FSTL4: variants seen among roughly 807,000 people sequenced by gnomAD.
FSTL4 encodes follistatin like 4, also known as follistatin-related protein 4.
A neutral mutation model predicts 78.2 loss-of-function variants in FSTL4; 28 were observed. The ratio of observed to expected loss-of-function variants is 0.36; its 90% CI spans 0.27 to 0.49. FSTL4 has a LOEUF of 0.49. Ranked by LOEUF, FSTL4 falls within the 20% of genes least tolerant of loss-of-function variation. The pLI, the probability that FSTL4 is intolerant of heterozygous loss-of-function variation, is 0.98. For synonymous variants in FSTL4, 422 were observed against 440.5 expected (o/e 0.96, Z 0.53); for missense variants, 922 against 1,084.9 (o/e 0.85, Z 2.11).
chr5:133,415,981 G>T (rs980528683), intron 3 of FSTL4, among the ~76,000 whole-genome samples: 7 of 152,300 alleles, frequency 4.6e-5, no homozygotes, highest in Admixed American at 2.6e-4. Flanking sequence ...CTTTCAGAGA[G>T]AATCTGCAAG....
chr5:133,657,082 C>T, the FSTL4 span, among the ~76,000 whole-genome samples: 1 of 152,124 alleles, frequency 6.6e-6, no homozygotes, highest in Non-Finnish European at 1.5e-5. Flanking sequence ...CAGGTTTGGA[C>T]ATTTGGTAAG....
chr5:133,404,383 A>G (rs1036984675), intron 3 of FSTL4, among the ~76,000 whole-genome samples: 3 of 152,254 alleles, frequency 2.0e-5, no homozygotes, highest in African/African-American at 7.2e-5. Flanking sequence ...TATAGTATTT[A>G]TGAGGACAAC....
the FSTL4 span, among the ~76,000 whole-genome samples, chr5:133,797,836 T>C: frequency 0.99 from 150,553 of 152,248 alleles, 74,462 homozygotes; most frequent in Middle Eastern, 1. Context: ...CCCAAACATG[T>C]CCTGAGGTCA....
At chr5:133,582,192 T>A (rs964432947) in intron 2 of FSTL4, among the ~76,000 whole-genome samples, 1 of 152,046 alleles carries the variant, frequency 6.6e-6, no homozygotes, top group Non-Finnish European at 1.5e-5. Context: ...AAGAGTAGGC[T>A]CAAGCAGCCA....
At chr5:133,287,738 C>A (rs377640648) in intron 6 of FSTL4, among the ~76,000 whole-genome samples, 52 of 152,298 alleles carry the variant, frequency 3.4e-4, no homozygotes, top group African/African-American at 1.2e-3. Flanking sequence ...ACAGCAGTGC[C>A]GTTTCTTGAA....
intron 3 of FSTL4, among the ~76,000 whole-genome samples, chr5:133,529,310 T>G (rs1394947726): frequency 2.0e-5 from 3 of 152,204 alleles, no homozygotes; most frequent in African/African-American, 7.2e-5. Flanking sequence ...ATGTTTTAAT[T>G]AAGAATCCTC....
rs560133330 is a variant in FSTL4, at chr5:133,348,315, T to A, written c.410-31663A>T. On this transcript the variant is annotated intron_variant, in intron 4 of 15. Transcript: ENST00000265342. ...GCTATGGAGTCCATAAAGTTTAGAG[T>A]CTAAGCAGAGGCACTGGGGAGAATG... 1.7e-4 allele frequency among the ~76,000 whole-genome samples: 26 copies of A among 152,256 alleles called. No individual in the cohort carries two copies. The South Asian group carries it at 5.2e-3, about 30-fold the overall frequency.
intron 3 of FSTL4, among the ~76,000 whole-genome samples, chr5:133,412,783 G>A (rs1284885199): frequency 2.0e-5 from 3 of 152,050 alleles, no homozygotes; most frequent in African/African-American, 7.2e-5. Context: ...TATGCAGTAT[G>A]TTGTTTTCCA....
the FSTL4 span, among the ~76,000 whole-genome samples, chr5:133,759,291 G>T: frequency 1.3e-5 from 2 of 152,198 alleles, no homozygotes; most frequent in Admixed American, 6.5e-5. Context: ...TAAAAAGAAT[G>T]CCAATACTCA....
intron 3 of FSTL4, among the ~76,000 whole-genome samples, chr5:133,543,402 T>G (rs1189559953): frequency 6.6e-6 from 1 of 152,226 alleles, no homozygotes; most frequent in East Asian, 1.9e-4. Context: ...TAGCTCCCAT[T>G]GTGATCATGA....
chr5:133,566,566 G>A (rs1279705413), intron 3 of FSTL4, among the ~76,000 whole-genome samples: 1 of 152,092 alleles, frequency 6.6e-6, no homozygotes, highest in African/African-American at 2.4e-5. Flanking sequence ...TTAGAGACTA[G>A]GTATTACTGA....
At chr5:133,702,802 G>GC in the FSTL4 span, among the ~76,000 whole-genome samples, 1 of 152,214 alleles carries the variant, frequency 6.6e-6, no homozygotes, top group Non-Finnish European at 1.5e-5. Context: ...AGATTCCAGG[G>GC]CAGGGCTGTT....
intron 3 of FSTL4, among the ~76,000 whole-genome samples, chr5:133,448,734 G>A (rs1757317016): frequency 7.7e-6 from 1 of 129,392 alleles, no homozygotes; most frequent in Admixed American, 7.5e-5. Context: ...CCAGGGGTGC[G>A]GGGGCGGGGG....
At chr5:133,638,147 TA>T in the FSTL4 span, among the ~76,000 whole-genome samples, 95 of 152,146 alleles carry the variant, frequency 6.2e-4, 1 homozygote, top group Middle Eastern at 0.01. Flanking sequence ...CAATCCAATT[TA>T]TCAGCATATC....
the FSTL4 span, among the ~76,000 whole-genome samples, chr5:133,759,980 A>C: frequency 6.6e-6 from 1 of 152,258 alleles, no homozygotes. Context: ...TGGAAAAACC[A>C]AACAGGCTGA....
the FSTL4 span, among the ~76,000 whole-genome samples, chr5:133,765,815 A>G: frequency 0.095 from 14,422 of 152,280 alleles, 1,045 homozygotes; most frequent in African/African-American, 0.2. Flanking sequence ...TTATGCCATT[A>G]CCCTGAAAAT....
the FSTL4 span, among the ~76,000 whole-genome samples, chr5:133,754,182 C>T: frequency 2.1e-3 from 323 of 152,160 alleles, 1 homozygote; most frequent in African/African-American, 7.2e-3. Flanking sequence ...GAGAGCAAAC[C>T]GGAACCACCT....
chr5:133,574,662 CATG>C lies in FSTL4; in HGVS notation c.127-7446_127-7444del, dbSNP rs1760236508. On this transcript the variant is annotated intron_variant, in intron 2 of 15. Coordinates refer to ENST00000265342, the MANE Select transcript of FSTL4 (RefSeq NM_015082.2). ...GCATGTATAAGAAGGCTGAATGCAG[CATG>C]ATATGTAATGCAAATGTCCACCAAT... Among the ~76,000 whole-genome samples the C allele has an allele frequency of 6.6e-5, 10 of 152,312 alleles. No individual in the cohort carries two copies. In the South Asian group the frequency reaches 2.1e-3, roughly 32 times the overall value.
the FSTL4 span, among the ~76,000 whole-genome samples, chr5:133,706,285 A>T: frequency 6.6e-6 from 1 of 152,244 alleles, no homozygotes; most frequent in Non-Finnish European, 1.5e-5. Flanking sequence ...TTGGCATTCA[A>T]AAAATGATAC....
Sources: allele counts gnomAD v4.1 joint callset (sites outside exome capture counted in the v4.1 genomes callset), GRCh38; gene constraint gnomAD v4.1.1; transcripts MANE v1.5; gene names NCBI Gene and HGNC (gene_info 2026-07-23, HGNC 2026-07-21).